The following HERC2 variants were observed in gnomAD, a reference collection of about 807,000 sequenced individuals.
HERC2 encodes E3 ubiquitin-protein ligase HERC2.
HERC2 carries 102 observed loss-of-function variants against 537.7 expected under a neutral mutation model. The ratio of observed to expected loss-of-function variants is 0.19; its 90% CI spans 0.16 to 0.22. HERC2 has a LOEUF of 0.22. HERC2 is among the 10% of genes least tolerant of loss of function. The pLI, the probability that HERC2 is intolerant of heterozygous loss-of-function variation, is 1.00. For missense variants in HERC2, 4,236 were observed against 6,198.2 expected, an observed-to-expected ratio of 0.68 and a Z score of 10.63; for synonymous variants, 2,224 against 2,466.2, an observed-to-expected ratio of 0.90 and a Z score of 2.91.
At chr15:28,135,402 C>T (rs1426858284) in intron 79 of HERC2, 76 bp downstream of exon 79, 2 of 1,141,152 alleles carry the variant, frequency 1.8e-6, no homozygotes, top group African/African-American at 1.5e-5. Flanking sequence ...AACAAAGCGC[C>T]AATAGATTGT....
rs182137752 is a variant in HERC2 at position 28,218,271 on chromosome 15, C to T, written c.6028+218G>A. On this transcript the variant is annotated intron_variant, in intron 38 of 92. Coordinates refer to ENST00000261609, the MANE Select transcript of HERC2 (RefSeq NM_004667.6). ...TGGGGCAGAGCCCTCAAGCAGCTTC[C>T]CCCTCACAGCCCCAGAAGGAACCAC... Among the ~76,000 whole-genome samples the T allele has an allele frequency of 2.8e-3, 427 of 152,172 alleles. 3 individuals are homozygous for T. Among genetic ancestry groups the T allele is most frequent in the African/African-American group, 9.7e-3 (403 of 41,498 alleles).
chr15:28,116,508 C>T (rs972735006), intron 88 of HERC2, among the ~76,000 whole-genome samples, 157 bp downstream of exon 88: 2 of 152,110 alleles, frequency 1.3e-5, no homozygotes, highest in Non-Finnish European at 2.9e-5. Context: ...TGAGCCACCG[C>T]GCCTCACCCT....
At chr15:28,289,273 C>T (rs184528231) in intron 4 of HERC2, among the ~76,000 whole-genome samples, 32 of 152,222 alleles carry the variant, frequency 2.1e-4, no homozygotes, top group African/African-American at 6.7e-4. Context: ...AAACACACCA[C>T]GCAAACACCA....
chr15:28,178,220 G>A (rs1895482482), intron 59 of HERC2, among the ~76,000 whole-genome samples: 1 of 152,202 alleles, frequency 6.6e-6, no homozygotes, highest in Non-Finnish European at 1.5e-5. Context: ...AGGGGCTCTG[G>A]AGAGGGGGCT....
rs113016891 is a variant in HERC2 at position 28,151,899 on chromosome 15, T to C, written c.10900+778A>G. Among the ~76,000 whole-genome samples the C allele has an allele frequency of 4.1e-3, 627 of 152,296 alleles. 4 individuals are homozygous for C. The highest frequency in any genetic ancestry group is 0.014 in the African/African-American group (597 of 41,564). On this transcript the variant is annotated intron_variant, in intron 70 of 92. Coordinates refer to ENST00000261609, the MANE Select transcript of HERC2 (RefSeq NM_004667.6). ...GCACCTTGAACAACTAACTACAGGA[T>C]GAAGGGAAATGCCTCTTTACAGGAA...
Position 28,238,862 on chromosome 15 carries a change from T to C in HERC2, c.3578-90A>G. 3 of 936,072 alleles carry C rather than the reference T, an allele frequency of 3.2e-6. No homozygotes were observed. The South Asian group carries it at 3.9e-5, about 12-fold the overall frequency. The allele number at this position is 936,072 out of a possible 1,614,324, so 58.0% of individuals were successfully genotyped here. ...TGTGTGAAAGAACTACAAGCAGAAA[T>C]AAACAAACCCACAATCACAATGGGA... On this transcript the variant is annotated intron_variant, in intron 23 of 92. Coordinates refer to ENST00000261609, the MANE Select transcript of HERC2 (RefSeq NM_004667.6).
In HERC2 at chr15:28,116,689, G is replaced by A. The variant is rs755954587; in HGVS notation, c.13585C>T (p.His4529Tyr). 1 of 1,613,078 alleles carries A rather than the reference G, an allele frequency of 6.2e-7. No homozygotes were observed. Reference sequence around the variant, plus strand: ...CCCAGGAAGCGGAACATGCTGCTGTGCACGGGTGCTCTGGCGGCCGGGCTG... The same window carrying A: ...CCCAGGAAGCGGAACATGCTGCTGTACACGGGTGCTCTGGCGGCCGGGCTG... ...LLSPAARAPV[H>Y]SSMFRFLGVL... The change falls in exon 88 of 93, where the codon CAC (histidine) becomes TAC (tyrosine). Residue 4529 changes from histidine to tyrosine, a missense_variant. His to Tyr is a moderately conservative substitution (Grantham distance 83). Transcript: ENST00000261609.
In HERC2 at chr15:28,129,780, C is replaced by CTTTTTTTTTTTTTTTTTTTT. The variant is rs36068402; in HGVS notation, c.12802+382_12802+383insAAAAAAAAAAAAAAAAAAAA. On this transcript the variant is annotated intron_variant, in intron 83 of 92. Coordinates refer to ENST00000261609, the MANE Select transcript of HERC2 (RefSeq NM_004667.6). ...AGGACACAGTATAAGCCTCTGCCTCCTTTTTTTTTTTTTTTTTGAGACAGT... is the reference window on the plus strand; with the variant it reads ...AGGACACAGTATAAGCCTCTGCCTCCTTTTTTTTTTTTTTTTTTTTTTTTTTTTTTTTTTTTTGAGACAGT... Among the ~76,000 whole-genome samples the CTTTTTTTTTTTTTTTTTTTT allele has an allele frequency of 1.2e-4, 17 of 143,552 alleles. 7 individuals carry two copies. Among genetic ancestry groups the CTTTTTTTTTTTTTTTTTTTT allele is most frequent in the Non-Finnish European group, 1.5e-4 (10 of 65,892 alleles). The allele number at this position is 143,552 out of a possible 152,430, so 94.2% of individuals were successfully genotyped here. A position where few individuals can be genotyped will look rare whatever the true frequency, so the allele number is the denominator to read the frequency against.
rs1198995008 is a variant in HERC2 at position 28,177,542 on chromosome 15, G to C, written c.9164-33C>G. The C allele has an allele frequency of 6.2e-7, 1 of 1,606,038 alleles. No individual in the cohort carries two copies. On this transcript the variant is annotated intron_variant, in intron 59 of 92. Coordinates refer to ENST00000261609, the MANE Select transcript of HERC2 (RefSeq NM_004667.6). This position sits in a 1 kb window ranked among gnomAD's most constrained non-coding sequence, Gnocchi z 5.0. ...ATTCACAGACACACGGATTGCCAAA[G>C]GGCAGGGAACAGAAAGCCCACAGCA...
chr15:28,144,711 C>A lies in HERC2; in HGVS notation c.11102G>T (p.Gly3701Val). ...GATGGGATAGACGGTGAAGCGCCAGCCCCAGCCATTCACAGACCCATCGCT... is the reference window on the plus strand; with the variant it reads ...GATGGGATAGACGGTGAAGCGCCAGACCCAGCCATTCACAGACCCATCGCT... Reference protein sequence around the residue: ...FISDGSVNGWGWRFTVYPIMP... With the variant: ...FISDGSVNGWVWRFTVYPIMP... The change falls in exon 72 of 93, where the codon GGC (glycine) becomes GTC (valine). Residue 3701 changes from glycine to valine, a missense_variant. Around this residue, in one of 27 missense-constraint regions of HERC2, gnomAD observed 109 missense variants for 133.5 expected, o/e 0.82. Transcript: ENST00000261609. 6.2e-7 allele frequency: 1 copy of A among 1,614,230 alleles called. No homozygotes were observed. The highest frequency in any genetic ancestry group is 1.1e-5 in the South Asian group (1 of 91,084).
At chr15:28,124,331 TACAGAGA>T in intron 84 of HERC2, 97 bp from the exon 85 acceptor site, 1 of 768,132 alleles carries the variant, frequency 1.3e-6, no homozygotes, top group East Asian at 3.2e-5. Flanking sequence ...TTGTTTCAAA[TACAGAGA>T]AGCACTATGG....
At chr15:28,187,326 T>TG (rs1029668988) in intron 55 of HERC2, among the ~76,000 whole-genome samples, 11 of 151,976 alleles carry the variant, frequency 7.2e-5, no homozygotes, top group African/African-American at 2.7e-4. Flanking sequence ...GGTCTGGTTT[T>TG]TTTTTTTGTT....
intron 64 of HERC2, among the ~76,000 whole-genome samples, chr15:28,175,212 C>T (rs886962955): frequency 1.3e-5 from 2 of 152,070 alleles, no homozygotes; most frequent in Non-Finnish European, 2.9e-5. Flanking sequence ...AAAGGAAAGT[C>T]TTGCTAATAT....
intron 38 of HERC2, among the ~76,000 whole-genome samples, chr15:28,216,243 A>G (rs1213321241): frequency 6.6e-6 from 1 of 152,144 alleles, no homozygotes; most frequent in Non-Finnish European, 1.5e-5. Context: ...CAGTGCATCT[A>G]TTATATTTTT....
chr15:28,230,483 A>G lies in HERC2; in HGVS notation c.4693T>C (p.Ser1565Pro). The change falls in exon 31 of 93, where the codon TCT becomes CCT. Residue 1565 changes from serine to proline, a missense_variant. Around this residue, in one of 27 missense-constraint regions of HERC2, gnomAD observed 343 missense variants for 417.2 expected, o/e 0.82. Transcript: ENST00000261609. ...CCAATTTTTTCTTCATCATCCGTAGATTCTGGCTTCTTAGGAACTGTGTTT... is the reference window on the plus strand; with the variant it reads ...CCAATTTTTTCTTCATCATCCGTAGGTTCTGGCTTCTTAGGAACTGTGTTT... ...RKKRVPKKPE[S>P]TDDEEKIGNE... 2 of 1,289,314 alleles carry G rather than the reference A, an allele frequency of 1.6e-6. No homozygotes were observed. Among genetic ancestry groups the G allele is most frequent in the Non-Finnish European group, 1.1e-6 (1 of 902,474 alleles). The allele number at this position is 1,289,314 out of a possible 1,614,324, so 79.9% of individuals were successfully genotyped here. A position where few individuals can be genotyped will look rare whatever the true frequency, so the allele number is the denominator to read the frequency against.
At chr15:28,311,076 CAAAAAAAAAA>C (rs71132854) in intron 2 of HERC2, among the ~76,000 whole-genome samples, 1 of 29,294 alleles carries the variant, frequency 3.4e-5, no homozygotes, top group South Asian at 3.8e-3. Context: ...GACTGCATCT[CAAAAAAAAAA>C]AAAAAAAAAA....
chr15:28,188,350 C>T (rs955461698), intron 55 of HERC2, among the ~76,000 whole-genome samples: 1 of 152,022 alleles, frequency 6.6e-6, no homozygotes. Flanking sequence ...AGACCATCCT[C>T]GCTAACGGTG....
At chr15:28,266,084 C>T in intron 12 of HERC2, 110 bp from the exon 13 acceptor site, 1 of 1,130,748 alleles carries the variant, frequency 8.8e-7, no homozygotes, top group Non-Finnish European at 1.3e-6. Context: ...AGCATCAGGC[C>T]AGTTTCACCT....
intron 53 of HERC2, among the ~76,000 whole-genome samples, chr15:28,191,494 T>C (rs983572264): frequency 9.2e-5 from 14 of 152,174 alleles, no homozygotes; most frequent in East Asian, 1.9e-4. Context: ...GGTGGTCCTT[T>C]TACCCACCAA....
Sources: allele counts gnomAD v4.1 joint callset (sites outside exome capture counted in the v4.1 genomes callset), GRCh38; gene constraint gnomAD v4.1.1; regional missense constraint gnomAD v4.1.1; non-coding constraint Gnocchi (gnomAD v3.1); transcripts MANE v1.5; gene names NCBI Gene and HGNC (gene_info 2026-07-23, HGNC 2026-07-21).